The following ENAH variants were observed in gnomAD, a reference collection of about 807,000 sequenced individuals.
ENAH encodes ENAH actin regulator.
A neutral mutation model predicts 78.7 loss-of-function variants in ENAH; 23 were observed. That is an observed-to-expected ratio of 0.29 (90% CI 0.21 to 0.41). The LOEUF (loss-of-function observed/expected upper bound fraction) is 0.41. Among genes scored for constraint, ENAH ranks in the 10% least tolerant of loss-of-function variants. The probability of loss-of-function intolerance (pLI) is 1.00; values close to 1 mark genes in which losing one functional copy is unlikely to be tolerated. For synonymous variants in ENAH, 226 were observed against 241.0 expected (o/e 0.94, Z 0.58); for missense variants, 544 against 691.0 (o/e 0.79, Z 2.39).
At chr1:225,639,360 T>C (rs752876223) in intron 1 of ENAH, among the ~76,000 whole-genome samples, 22 of 152,214 alleles carry the variant, frequency 1.4e-4, no homozygotes, top group Non-Finnish European at 2.2e-4. Context: ...AGAGCTGCTA[T>C]GGTTTGAATC....
intron 2 of ENAH, among the ~76,000 whole-genome samples, chr1:225,563,908 C>A (rs528342989): frequency 6.6e-6 from 1 of 152,102 alleles, no homozygotes; most frequent in Non-Finnish European, 1.5e-5. Context: ...AGATTATTTA[C>A]TATTTATTTA....
chr1:225,649,155 A>G (rs1662518718), intron 1 of ENAH, among the ~76,000 whole-genome samples: 2 of 152,186 alleles, frequency 1.3e-5, no homozygotes, highest in African/African-American at 4.8e-5. Flanking sequence ...CTATTTTTAC[A>G]TATTTTTTAA....
intron 1 of ENAH, among the ~76,000 whole-genome samples, chr1:225,568,658 C>A (rs78411166): frequency 0.043 from 6,549 of 152,206 alleles, 229 homozygotes; most frequent in South Asian, 0.11. Context: ...CCTAAAAATT[C>A]TCAAACAGAA....
rs1321539750 is a variant in ENAH at position 225,493,877 on chromosome 1, G to A, written c.*3898C>T. ...AGGGTAATACTACTTAGAATTAAAAGGCCAATTCTTCACAATGGCACTGAA... is the reference window on the plus strand; with the variant it reads ...AGGGTAATACTACTTAGAATTAAAAAGCCAATTCTTCACAATGGCACTGAA... On this transcript the variant is annotated 3_prime_UTR_variant, in exon 14 of 14. Transcript: ENST00000366843. The A allele has an allele frequency of 2.6e-5, 4 of 151,846 alleles. No homozygotes were observed. Among genetic ancestry groups the A allele is most frequent in the Admixed American group, 2.6e-4 (4 of 15,250 alleles). 9.4% of individuals were successfully genotyped at this position (151,846 alleles called of 1,614,324 possible). A position where few individuals can be genotyped will look rare whatever the true frequency, so the allele number is the denominator to read the frequency against.
chr1:225,623,888 C>G (rs778102024), intron 1 of ENAH, among the ~76,000 whole-genome samples: 3 of 152,142 alleles, frequency 2.0e-5, no homozygotes, highest in African/African-American at 7.2e-5. Context: ...CGGGCCCAGT[C>G]AGTACCCGAT....
chr1:225,497,569 AAAG>A lies in ENAH; in HGVS notation c.*203_*205del, dbSNP rs2096255368. ...TCCATTCTGTTGTAAAGGCCAGAAA[AAAG>A]CAGCAAACGGAGAGGGAAAGAGCTT... On this transcript the variant is annotated 3_prime_UTR_variant, in exon 14 of 14. Transcript: ENST00000366843. 2.4e-6 allele frequency: 1 copy of A among 419,722 alleles called. No individual in the cohort carries two copies. Among genetic ancestry groups the A allele is most frequent in the Non-Finnish European group, 4.3e-6 (1 of 232,596 alleles). The allele number at this position is 419,722 out of a possible 1,614,324, so 26.0% of individuals were successfully genotyped here.
chr1:225,641,894 A>G (rs1558952738), intron 1 of ENAH, among the ~76,000 whole-genome samples: 1 of 152,054 alleles, frequency 6.6e-6, no homozygotes, highest in East Asian at 1.9e-4. Context: ...GGTCTCGTGC[A>G]TCTGTAATTC....
chr1:225,600,629 G>C (rs1181379048), intron 1 of ENAH, among the ~76,000 whole-genome samples: 1 of 151,770 alleles, frequency 6.6e-6, no homozygotes, highest in East Asian at 2.0e-4. Context: ...AAGCTGAGGT[G>C]GGAGGATTGC....
chr1:225,581,502 C>A (rs532996288), intron 1 of ENAH, among the ~76,000 whole-genome samples: 28 of 152,082 alleles, frequency 1.8e-4, no homozygotes, highest in Admixed American at 8.5e-4. Context: ...TTATTAATTT[C>A]AATGAATGAA....
chr1:225,508,102 T>C lies in ENAH; in HGVS notation c.1472-85A>G, dbSNP rs530635159. 5 of 780,242 alleles carry C rather than the reference T, an allele frequency of 6.4e-6. No individual in the cohort carries two copies. The South Asian group carries it at 1.1e-4, about 17-fold the overall frequency. The allele number at this position is 780,242 out of a possible 1,614,324, so 48.3% of individuals were successfully genotyped here. The stretch of plus-strand genomic sequence containing the variant: ...ACAAATAACAAAATACTAAATCTCA[T>C]TATACCTGTTTACATAGTAGTAATA... On this transcript the variant is annotated intron_variant, in intron 10 of 13. Transcript: ENST00000366843.
intron 1 of ENAH, among the ~76,000 whole-genome samples, chr1:225,582,883 TTCA>T (rs1441366076): frequency 6.6e-6 from 1 of 152,120 alleles, no homozygotes; most frequent in Non-Finnish European, 1.5e-5. Flanking sequence ...GCAAAGCATA[TTCA>T]ATCTAAAAAC....
At chr1:225,589,346 G>A (rs149847560) in intron 1 of ENAH, among the ~76,000 whole-genome samples, 1 of 152,202 alleles carries the variant, frequency 6.6e-6, no homozygotes, top group East Asian at 1.9e-4. Context: ...CCTAGGTAAC[G>A]ATATAAATAC....
chr1:225,619,027 C>T (rs1445452532), intron 1 of ENAH, among the ~76,000 whole-genome samples: 2 of 152,042 alleles, frequency 1.3e-5, no homozygotes, highest in Admixed American at 1.3e-4. Context: ...AATTCATCTC[C>T]CAAATCAGCA....
intron 6 of ENAH, among the ~76,000 whole-genome samples, chr1:225,516,751 G>C (rs1001988848): frequency 6.6e-6 from 1 of 152,022 alleles, no homozygotes; most frequent in Non-Finnish European, 1.5e-5. Context: ...GCATGTGCCT[G>C]TAACTCCTGC....
At chr1:225,602,409 C>G (rs1317726667) in intron 1 of ENAH, among the ~76,000 whole-genome samples, 2 of 151,988 alleles carry the variant, frequency 1.3e-5, no homozygotes, top group African/African-American at 4.8e-5. Flanking sequence ...AACCAGATAA[C>G]AATGCTATAA....
At chr1:225,530,282 T>C (rs1415960072) in intron 4 of ENAH, among the ~76,000 whole-genome samples, 2 of 152,236 alleles carry the variant, frequency 1.3e-5, no homozygotes, top group South Asian at 2.1e-4. Context: ...TAAGAAGATT[T>C]TGAATTCTGT....
In ENAH at chr1:225,600,907, T is replaced by C. The variant is rs1025471766; in HGVS notation, c.6-33493A>G. Among the ~76,000 whole-genome samples the C allele has an allele frequency of 2.0e-5, 3 of 152,104 alleles. No homozygotes were observed. The East Asian group carries it at 5.8e-4, about 29-fold the overall frequency. On this transcript the variant is annotated intron_variant, in intron 1 of 13. Coordinates refer to ENST00000366843, the MANE Select transcript of ENAH (RefSeq NM_018212.6). The stretch of plus-strand genomic sequence containing the variant: ...TAAAAAAAAGAAAAAGAAAGAATAT[T>C]AATTGGTAAAGCTATATGATGAGCA...
At chr1:225,565,738 G>A (rs2096731594) in intron 2 of ENAH, among the ~76,000 whole-genome samples, 1 of 152,048 alleles carries the variant, frequency 6.6e-6, no homozygotes, top group Admixed American at 6.6e-5. Flanking sequence ...GTGCTCCCCA[G>A]AACCTGGACT....
In ENAH at chr1:225,567,238, T is replaced by G. The variant is rs527696371; in HGVS notation, c.171+11A>C. On this transcript the variant is annotated intron_variant, in intron 2 of 13. Coordinates refer to ENST00000366843, the MANE Select transcript of ENAH (RefSeq NM_018212.6). ...AAATCATTTTTAACAACAATTGTAG[T>G]AAAGCCTTACCTGATGGTCCTGAAT... 2 of 1,610,446 alleles carry G rather than the reference T, an allele frequency of 1.2e-6. No individual in the cohort carries two copies. Among genetic ancestry groups the G allele is most frequent in the East Asian group, 4.5e-5 (2 of 44,768 alleles).
Sources: gnomAD v4.1 joint callset for allele counts (sites outside exome capture counted in the v4.1 genomes callset) on GRCh38, gnomAD v4.1.1 for gene constraint, MANE v1.5 for transcripts, NCBI Gene and HGNC (gene_info 2026-07-23, HGNC 2026-07-21) for gene names.